The following SDK1 variants were observed in gnomAD, a reference collection of about 807,000 sequenced individuals.
SDK1 encodes the protein sidekick cell adhesion molecule 1, also known as protein sidekick-1.
SDK1 carries 157 observed loss-of-function variants against 245.5 expected under a neutral mutation model. That is an observed-to-expected ratio of 0.64 (90% confidence interval 0.56 to 0.73). SDK1 has a LOEUF of 0.73. Ranked by LOEUF, SDK1 falls within the 30% of genes least tolerant of loss-of-function variation. SDK1 has a pLI of 0.00. For synonymous variants in SDK1, 1,647 were observed against 1,278.5 expected (o/e 1.29, Z -6.15); for missense variants, 3,583 against 3,002.3 (o/e 1.19, Z -4.52).
At chr7:3,867,881 A>T (rs1348008198) in intron 5 of SDK1, among the ~76,000 whole-genome samples, 1 of 152,128 alleles carries the variant, frequency 6.6e-6, no homozygotes, top group Non-Finnish European at 1.5e-5. Flanking sequence ...TCTCTGCTGC[A>T]TGAACATGTT....
intron 5 of SDK1, among the ~76,000 whole-genome samples, chr7:3,900,645 A>C (rs990366496): frequency 1.4e-4 from 21 of 152,134 alleles, no homozygotes; most frequent in Admixed American, 1.0e-3. Flanking sequence ...GCAGAAATGT[A>C]AGGTGAATTA....
intron 1 of SDK1, among the ~76,000 whole-genome samples, chr7:3,476,227 T>G (rs1781344429): frequency 6.6e-6 from 1 of 152,244 alleles, no homozygotes; most frequent in Admixed American, 6.5e-5. Context: ...TGATCTGCTT[T>G]CACCTTTTAT....
intron 1 of SDK1, among the ~76,000 whole-genome samples, chr7:3,389,135 G>A (rs193019130): frequency 2.6e-5 from 4 of 152,222 alleles, no homozygotes; most frequent in Admixed American, 1.3e-4. Flanking sequence ...AAGGAGTGGG[G>A]GGAGAATAGC....
intron 1 of SDK1, among the ~76,000 whole-genome samples, chr7:3,427,852 T>G (rs1779720242): frequency 8.5e-6 from 1 of 117,558 alleles, no homozygotes; most frequent in Non-Finnish European, 1.7e-5. Flanking sequence ...CGTTAGTGTC[T>G]CTTAGATGTC....
intron 1 of SDK1, among the ~76,000 whole-genome samples, chr7:3,505,021 C>G (rs550142742): frequency 2.6e-4 from 39 of 152,152 alleles, no homozygotes; most frequent in African/African-American, 8.7e-4. Flanking sequence ...TGATACAACT[C>G]CTGATGTTTC....
intron 1 of SDK1, among the ~76,000 whole-genome samples, chr7:3,364,084 C>G (rs1428068266): frequency 1.3e-5 from 2 of 152,138 alleles, no homozygotes; most frequent in Non-Finnish European, 2.9e-5. Context: ...TTTGTCATCT[C>G]TATATCCTCT....
intron 44 of SDK1, among the ~76,000 whole-genome samples, chr7:4,261,424 TCA>T (rs1787995575): frequency 6.7e-6 from 1 of 149,254 alleles, no homozygotes; most frequent in Non-Finnish European, 1.5e-5. Flanking sequence ...AGGACGCAGC[TCA>T]CACACCCTGG....
At chr7:3,500,761 C>G (rs1782177143) in intron 1 of SDK1, among the ~76,000 whole-genome samples, 1 of 152,008 alleles carries the variant, frequency 6.6e-6, no homozygotes, top group African/African-American at 2.4e-5. Context: ...TCCTTTCTTT[C>G]TAAGACTCCT....
At chr7:3,907,782 T>A (rs138511441) in intron 5 of SDK1, among the ~76,000 whole-genome samples, 36 of 152,352 alleles carry the variant, frequency 2.4e-4, no homozygotes, top group African/African-American at 8.4e-4. Context: ...ACATATATGA[T>A]ATTCAAAATT....
rs201278058 is a variant in SDK1 at position 4,139,679 on chromosome 7, G to A, written c.4229-6043G>A. On this transcript the variant is annotated intron_variant, in intron 28 of 44. Transcript: ENST00000404826. ...TGTGTGTATATGTGTGTGTGTATAT[G>A]TGTGTGTGTGTATGTGTGTGTGTGT... is the stretch of plus-strand genomic sequence containing the variant. Among the ~76,000 whole-genome samples, 82 of 25,906 alleles carry A rather than the reference G, an allele frequency of 3.2e-3. 2 individuals carry two copies. The highest frequency in any genetic ancestry group is 0.027 in the African/African-American group (77 of 2,884). 17.0% of individuals were successfully genotyped at this position (25,906 alleles called of 152,430 possible).
chr7:3,822,374 A>G (rs1014886752), intron 5 of SDK1, among the ~76,000 whole-genome samples: 4 of 152,218 alleles, frequency 2.6e-5, no homozygotes, highest in African/African-American at 9.6e-5. Flanking sequence ...AAATATTATT[A>G]TCATATCATA....
At chr7:4,201,245 A>G (rs1458822047) in intron 35 of SDK1, among the ~76,000 whole-genome samples, 1 of 152,118 alleles carries the variant, frequency 6.6e-6, no homozygotes, top group East Asian at 1.9e-4. Context: ...AAACCTCCTG[A>G]TTCATTGAGA....
chr7:4,020,956 GT>G (rs1786841514), intron 17 of SDK1, among the ~76,000 whole-genome samples: 1 of 152,130 alleles, frequency 6.6e-6, no homozygotes, highest in Non-Finnish European at 1.5e-5. Context: ...GTCTGTATTC[GT>G]TTTTCCACTG....
Position 3,554,388 on chromosome 7 carries a change from T to G in SDK1, c.299-64692T>G, listed in dbSNP as rs114832144. On this transcript the variant is annotated intron_variant, in intron 1 of 44. Coordinates refer to ENST00000404826, the MANE Select transcript of SDK1 (RefSeq NM_152744.4). The stretch of plus-strand genomic sequence containing the variant: ...AAGTTTTAAAGGAAATAAAAATACA[T>G]AAAACTGAAAGCAAAAACAGAACAT... Among the ~76,000 whole-genome samples the G allele has an allele frequency of 4.3e-3, 657 of 151,602 alleles. 7 individuals are homozygous for G. The highest frequency in any genetic ancestry group is 0.015 in the African/African-American group (615 of 41,390).
At chr7:3,745,923 T>C (rs1779603647) in intron 4 of SDK1, among the ~76,000 whole-genome samples, 1 of 152,230 alleles carries the variant, frequency 6.6e-6, no homozygotes, top group African/African-American at 2.4e-5. Context: ...TGAAGCCTGC[T>C]ATGTGGGTTT....
intron 1 of SDK1, among the ~76,000 whole-genome samples, chr7:3,458,515 C>G (rs1780736193): frequency 6.6e-6 from 1 of 151,890 alleles, no homozygotes; most frequent in African/African-American, 2.4e-5. Flanking sequence ...CATCTACCCC[C>G]TTTTTTCTTC....
intron 40 of SDK1, among the ~76,000 whole-genome samples, chr7:4,229,272 G>T (rs986281245): frequency 6.6e-6 from 1 of 152,084 alleles, no homozygotes; most frequent in South Asian, 2.1e-4. Flanking sequence ...ATATTAGTAC[G>T]AGATAAGTAG....
intron 35 of SDK1, among the ~76,000 whole-genome samples, chr7:4,183,640 CAAAAAAA>C (rs548155248): frequency 2.7e-5 from 2 of 73,154 alleles, no homozygotes; most frequent in African/African-American, 9.2e-5. Context: ...GACTCCGTCT[CAAAAAAA>C]AAAAAAAAAA....
At chr7:3,734,027 C>T (rs184841655) in intron 4 of SDK1, among the ~76,000 whole-genome samples, 4 of 152,310 alleles carry the variant, frequency 2.6e-5, no homozygotes, top group Non-Finnish European at 5.9e-5. Context: ...AGATCCAGAT[C>T]TGCTGTAAGC....
Sources: allele counts gnomAD v4.1 joint callset (sites outside exome capture counted in the v4.1 genomes callset), GRCh38; gene constraint gnomAD v4.1.1; transcripts MANE v1.5; gene names NCBI Gene and HGNC (gene_info 2026-07-23, HGNC 2026-07-21).